Variants in PPP6R3 observed in about 807,000 individuals in gnomAD.
The protein encoded by PPP6R3 is serine/threonine-protein phosphatase 6 regulatory subunit 3.
In PPP6R3, 38 loss-of-function variants were observed where a neutral mutation model predicts 110.7. The ratio of observed to expected loss-of-function variants is 0.34; its 90% CI spans 0.26 to 0.45. The LOEUF (loss-of-function observed/expected upper bound fraction) is 0.45, where lower values mean the gene tolerates loss of function less well. Ranked by LOEUF, PPP6R3 falls within the 20% of genes least tolerant of loss-of-function variation. The probability of loss-of-function intolerance (pLI) is 1.00; values close to 1 mark genes in which losing one functional copy is unlikely to be tolerated. For synonymous variants in PPP6R3, 369 were observed against 373.5 expected (o/e 0.99, Z 0.14); for missense variants, 870 against 1,062.4 (o/e 0.82, Z 2.52).
chr11:68,577,922 G>A (rs545958754), intron 14 of PPP6R3, among the ~76,000 whole-genome samples: 4 of 152,118 alleles, frequency 2.6e-5, no homozygotes, highest in Non-Finnish European at 5.9e-5. Flanking sequence ...GATTGATAGG[G>A]CCCTTTAACA....
intron 2 of PPP6R3, among the ~76,000 whole-genome samples, chr11:68,534,230 A>G (rs1295149914): frequency 2.0e-5 from 3 of 152,238 alleles, no homozygotes; most frequent in African/African-American, 7.2e-5. Context: ...AGGAGACTGC[A>G]GAAAGCAAAG....
At chr11:68,485,273 CTT>C (rs34482880) in intron 1 of PPP6R3, among the ~76,000 whole-genome samples, 55 of 84,734 alleles carry the variant, frequency 6.5e-4, no homozygotes, top group South Asian at 7.1e-4. Context: ...AGTTCTGGGA[CTT>C]TTTTTTTTTT....
chr11:68,488,613 C>A, intron 1 of PPP6R3: 1 of 152,796 alleles, frequency 6.5e-6, no homozygotes, highest in South Asian at 1.9e-4. Flanking sequence ...CTCAGCCACT[C>A]CAAGCTTGGG....
chr11:68,532,136 T>C (rs1329888521), intron 2 of PPP6R3, among the ~76,000 whole-genome samples: 3 of 152,226 alleles, frequency 2.0e-5, no homozygotes, highest in Non-Finnish European at 4.4e-5. Flanking sequence ...GTGTCACTGC[T>C]TGAATGCCTT....
At chr11:68,467,455 C>T (rs1198345415) in intron 1 of PPP6R3, among the ~76,000 whole-genome samples, 3 of 152,192 alleles carry the variant, frequency 2.0e-5, no homozygotes, top group Admixed American at 2.0e-4. Flanking sequence ...TTGAGTCAGA[C>T]AGACTTGGAG....
intron 19 of PPP6R3, among the ~76,000 whole-genome samples, chr11:68,597,023 G>T (rs1455961003): frequency 6.6e-6 from 1 of 152,200 alleles, no homozygotes; most frequent in African/African-American, 2.4e-5. Context: ...TCTGCTGCCT[G>T]TTTTCCAGCC....
At chr11:68,532,533 T>C (rs1039414192) in intron 2 of PPP6R3, among the ~76,000 whole-genome samples, 5 of 152,232 alleles carry the variant, frequency 3.3e-5, no homozygotes, top group African/African-American at 9.6e-5. Context: ...GACTGGTTTG[T>C]TGGAAGAAAT....
chr11:68,569,434 CTAAT>C (rs2153775907), intron 10 of PPP6R3, among the ~76,000 whole-genome samples: 1 of 152,262 alleles, frequency 6.6e-6, no homozygotes, highest in South Asian at 2.1e-4. Flanking sequence ...TTAATAATAA[CTAAT>C]AATAAAGTAG....
At chr11:68,473,497 C>T (rs576864119) in intron 1 of PPP6R3, among the ~76,000 whole-genome samples, 1 of 152,318 alleles carries the variant, frequency 6.6e-6, no homozygotes, top group South Asian at 2.1e-4. Flanking sequence ...CTGTAAGCCA[C>T]TCTAGCAAAT....
At chr11:68,473,945 CTT>C (rs371637258) in intron 1 of PPP6R3, among the ~76,000 whole-genome samples, 1 of 151,682 alleles carries the variant, frequency 6.6e-6, no homozygotes. Flanking sequence ...AATGTGGTAA[CTT>C]TAACATTTTG....
rs142392088 is a variant in PPP6R3, at chr11:68,478,534, C to T, written c.-158+17707C>T. Reference sequence around the variant, plus strand: ...TTATATATCTTTTTCTGCCCTTTTACTTTCAAGCTCTTTTGTGGCCTTAAC... The same window carrying T: ...TTATATATCTTTTTCTGCCCTTTTATTTTCAAGCTCTTTTGTGGCCTTAAC... On this transcript the variant is annotated intron_variant, in intron 1 of 23. Transcript: ENST00000393800. Among the ~76,000 whole-genome samples, 513 of 151,424 alleles carry T rather than the reference C, an allele frequency of 3.4e-3. 2 individuals are homozygous for T. Among genetic ancestry groups the T allele is most frequent in the African/African-American group, 0.012 (492 of 41,226 alleles).
chr11:68,478,647 G>GTTTTTTATTTTTTTTTTTTTTTTTTTT (rs2098860892), intron 1 of PPP6R3, among the ~76,000 whole-genome samples: 1 of 50,506 alleles, frequency 2.0e-5, no homozygotes, highest in Non-Finnish European at 3.1e-5. Flanking sequence ...CACTTGGTAA[G>GTTTTTTATTTTTTTTTTTTTTTTTTTT]TTTTTTTTTT....
intron 16 of PPP6R3, among the ~76,000 whole-genome samples, chr11:68,588,258 G>A (rs571294459): frequency 5.3e-5 from 8 of 152,180 alleles, no homozygotes; most frequent in African/African-American, 1.7e-4. Flanking sequence ...CAGCACTTTG[G>A]GGGGCTGAGG....
intron 2 of PPP6R3, among the ~76,000 whole-genome samples, chr11:68,536,980 T>A (rs2099274434): frequency 6.6e-6 from 1 of 152,242 alleles, no homozygotes; most frequent in Non-Finnish European, 1.5e-5. Context: ...AACAAATAAG[T>A]ACTTTTTTTA....
chr11:68,556,281 G>A (rs182013741), intron 7 of PPP6R3, among the ~76,000 whole-genome samples: 74 of 152,260 alleles, frequency 4.9e-4, no homozygotes, highest in African/African-American at 1.7e-3. Context: ...AGATGCTAAA[G>A]AGCAGGTACC....
At chr11:68,593,821 C>G (rs1252734063) in intron 18 of PPP6R3, among the ~76,000 whole-genome samples, 6 of 152,134 alleles carry the variant, frequency 3.9e-5, no homozygotes, top group Non-Finnish European at 7.4e-5. Context: ...GAGTTTGAGA[C>G]CAGCCTAGGC....
At chr11:68,576,579 T>A (rs1021131980) in intron 14 of PPP6R3, among the ~76,000 whole-genome samples, 8 of 152,158 alleles carry the variant, frequency 5.3e-5, no homozygotes, top group South Asian at 2.1e-4. Flanking sequence ...ATAATTTTTT[T>A]AAAAATTATA....
intron 1 of PPP6R3, among the ~76,000 whole-genome samples, chr11:68,477,124 A>G (rs919612427): frequency 2.6e-5 from 4 of 152,084 alleles, no homozygotes; most frequent in African/African-American, 4.8e-5. Flanking sequence ...GCAGATTTTC[A>G]TCACTATTCT....
At chr11:68,534,224 G>C (rs1019398660) in intron 2 of PPP6R3, among the ~76,000 whole-genome samples, 1 of 152,168 alleles carries the variant, frequency 6.6e-6, no homozygotes, top group Non-Finnish European at 1.5e-5. Flanking sequence ...GGATTCAGGA[G>C]ACTGCAGAAA....
Sources: allele counts gnomAD v4.1 joint callset (sites outside exome capture counted in the v4.1 genomes callset), GRCh38; gene constraint gnomAD v4.1.1; transcripts MANE v1.5; gene names NCBI Gene and HGNC (gene_info 2026-07-23, HGNC 2026-07-21).